Variants in DMXL2 observed in about 807,000 individuals in gnomAD.
DMXL2 encodes the protein Dmx like 2, also known as dmX-like protein 2.
A neutral mutation model predicts 331.1 loss-of-function variants in DMXL2; 103 were observed. That is an observed-to-expected ratio of 0.31 (90% CI 0.27 to 0.37). DMXL2 has a LOEUF of 0.37. Among genes scored for constraint, DMXL2 ranks in the 10% least tolerant of loss-of-function variants. The pLI is 1.00. For missense variants in DMXL2, 3,171 were observed against 3,642.9 expected (o/e 0.87, Z 3.33); for synonymous variants, 1,281 against 1,252.1 (o/e 1.02, Z -0.49).
chr15:51,453,586 CTTGAAGAGGTAAT>C lies in DMXL2; in HGVS notation c.8647_8659del (p.Ile2883ValfsTer2). The C allele has an allele frequency of 6.2e-7, 1 of 1,613,644 alleles. No homozygotes were observed. Among genetic ancestry groups the C allele is most frequent in the Non-Finnish European group, 8.5e-7 (1 of 1,179,808 alleles). ...GGAGTGTCCAGATGTGGCAACTAGA[CTTGAAGAGGTAAT>C]AAATGCAAAGTCACTTGTGGCTTTA... is the stretch of plus-strand genomic sequence containing the variant. On this transcript the variant is annotated frameshift_variant, in exon 41 of 44. Transcript: ENST00000560891. LOFTEE classifies it high-confidence loss of function.
chr15:51,566,234 T>G (rs1395106323), intron 3 of DMXL2, among the ~76,000 whole-genome samples: 44 of 1,036 alleles, frequency 0.042, no homozygotes, highest in African/African-American at 0.048. Flanking sequence ...GTGTGTGGGG[T>G]GTGTGTGTGT....
chr15:51,460,096 CTTA>C, intron 33 of DMXL2: 1 of 939,476 alleles, frequency 1.1e-6, no homozygotes, highest in Non-Finnish European at 1.3e-6. Flanking sequence ...TTATTTCACT[CTTA>C]TAAGGAATAT....
At chr15:51,535,931 A>G in intron 12 of DMXL2, 147 bp from the exon 13 acceptor site, 4 of 1,025,786 alleles carry the variant, frequency 3.9e-6, no homozygotes, top group Non-Finnish European at 5.4e-6. Flanking sequence ...AGTAGATACA[A>G]AATTATTAAC....
Position 51,545,609 on chromosome 15 carries a change from T to C in DMXL2, c.904A>G (p.Lys302Glu), listed in dbSNP as rs774481407. 1 of 1,613,624 alleles carries C rather than the reference T, an allele frequency of 6.2e-7. No individual in the cohort carries two copies. The highest frequency in any genetic ancestry group is 8.5e-7 in the Non-Finnish European group (1 of 1,179,668). The change falls in exon 8 of 44, where the codon AAA becomes GAA. Residue 302 changes from lysine (K) to glutamate (E), a missense_variant. Coordinates refer to ENST00000560891, the MANE Select transcript of DMXL2 (RefSeq NM_001378457.1). Reference protein sequence around the residue: ...ASSLSHAGRHKDRIQHALETI... With the variant: ...ASSLSHAGRHEDRIQHALETI... ...TCAAGAGCATGCTGTATTCTGTCTTTGTGTCTTCCAGCATGAGAAAGGCTG... is the reference window on the plus strand; with the variant it reads ...TCAAGAGCATGCTGTATTCTGTCTTCGTGTCTTCCAGCATGAGAAAGGCTG...
Position 51,591,294 on chromosome 15 carries a change from C to A in DMXL2, c.88-15113G>T, listed in dbSNP as rs185330788. Among the ~76,000 whole-genome samples the A allele has an allele frequency of 5.8e-3, 890 of 152,356 alleles. 12 individuals carry two copies. The highest frequency in any genetic ancestry group is 0.024 in the Admixed American group (365 of 15,308). On this transcript the variant is annotated intron_variant, in intron 1 of 43. Coordinates refer to ENST00000560891, the MANE Select transcript of DMXL2 (RefSeq NM_001378457.1). ...CACACCAGGAGATTATATCCCGCGC[C>A]TGGCTCGGAGGGTCCTACGCCCACA...
At chr15:51,507,933 G>A (rs1001305221) in intron 15 of DMXL2, among the ~76,000 whole-genome samples, 1 of 151,988 alleles carries the variant, frequency 6.6e-6, no homozygotes, top group Non-Finnish European at 1.5e-5. Context: ...TTTCCCTGCT[G>A]AAAATTAGAT....
At chr15:51,577,945 T>C (rs1420019673) in intron 1 of DMXL2, among the ~76,000 whole-genome samples, 1 of 152,194 alleles carries the variant, frequency 6.6e-6, no homozygotes, top group Non-Finnish European at 1.5e-5. Flanking sequence ...AACAGAACAG[T>C]GCACCAAGTC....
chr15:51,585,521 G>A (rs942952290), intron 1 of DMXL2, among the ~76,000 whole-genome samples: 16 of 152,154 alleles, frequency 1.1e-4, no homozygotes, highest in African/African-American at 3.1e-4. Context: ...ACAATGCTTC[G>A]ATGAACATGT....
At position 51,463,116 on chromosome 15, in the gene DMXL2, T is replaced by G. The variant is rs1356260824; in HGVS notation, c.7926+263A>C. 3 of 249,506 alleles carry G rather than the reference T, an allele frequency of 1.2e-5. No individual in the cohort carries two copies. In the East Asian group the frequency reaches 3.5e-4, roughly 29 times the overall value. The allele number at this position is 249,506 out of a possible 1,614,324, so 15.5% of individuals were successfully genotyped here. A position where few individuals can be genotyped will look rare whatever the true frequency, so the allele number is the denominator to read the frequency against. On this transcript the variant is annotated intron_variant, in intron 33 of 43. Coordinates refer to ENST00000560891, the MANE Select transcript of DMXL2 (RefSeq NM_001378457.1). ...AAGCCATCCATCACAATGTTTATTA[T>G]GTGTAAAAACCTAATGACAAATACT... is the stretch of plus-strand genomic sequence containing the variant.
At chr15:51,500,643 C>T (rs948134162) in intron 17 of DMXL2, among the ~76,000 whole-genome samples, 2 of 152,176 alleles carry the variant, frequency 1.3e-5, no homozygotes, top group African/African-American at 4.8e-5. Context: ...CTTAACTGAG[C>T]TTTACAATTT....
chr15:51,519,475 G>A (rs1008842449), intron 13 of DMXL2, among the ~76,000 whole-genome samples: 2 of 151,918 alleles, frequency 1.3e-5, no homozygotes, highest in Non-Finnish European at 2.9e-5. Flanking sequence ...AAATTGAAAA[G>A]TAGGTGCATT....
intron 6 of DMXL2, among the ~76,000 whole-genome samples, chr15:51,548,231 A>T (rs1481835007): frequency 1.3e-5 from 2 of 152,270 alleles, no homozygotes; most frequent in South Asian, 2.1e-4. Flanking sequence ...AATAAATGTT[A>T]TCGCTTATGC....
chr15:51,603,026 G>A (rs2053338367), intron 1 of DMXL2, among the ~76,000 whole-genome samples: 1 of 152,152 alleles, frequency 6.6e-6, no homozygotes, highest in African/African-American at 2.4e-5. Flanking sequence ...GTTTAAAGAA[G>A]TGTGGGCACT....
chr15:51,538,928 G>A (rs1443452985), intron 9 of DMXL2, among the ~76,000 whole-genome samples: 4 of 152,070 alleles, frequency 2.6e-5, no homozygotes, highest in Non-Finnish European at 4.4e-5. Context: ...AAAACATTTC[G>A]ACCATGTGCG....
chr15:51,448,514 A>G lies in DMXL2; in HGVS notation c.*470T>C. The G allele has an allele frequency of 5.1e-6, 1 of 194,914 alleles. No homozygotes were observed. The highest frequency in any genetic ancestry group is 1.2e-4 in the East Asian group (1 of 8,272). The allele number at this position is 194,914 out of a possible 1,614,324, so 12.1% of individuals were successfully genotyped here. On this transcript the variant is annotated 3_prime_UTR_variant, in exon 44 of 44. Transcript: ENST00000560891. ...AACTGGTCACTGCGCACTGCTCCAC[A>G]GCTAAGAAAGTTTTCCAGGTGGTCT...
chr15:51,622,679 C>T lies in DMXL2; in HGVS notation c.-134G>A. 1 of 1,420,642 alleles carries T rather than the reference C, an allele frequency of 7.0e-7. No homozygotes were observed. The highest frequency in any genetic ancestry group is 1.5e-5 in the South Asian group (1 of 67,056). The allele number at this position is 1,420,642 out of a possible 1,614,324, so 88.0% of individuals were successfully genotyped here. ...CCCCGCGGAGGCTCTGGCTTAACTC[C>T]TCGCCCCCCTTTCGCCTTCCCTCCG... On this transcript the variant is annotated 5_prime_UTR_variant, in exon 1 of 44. Transcript: ENST00000560891.
chr15:51,463,043 T>C (rs12438892), intron 33 of DMXL2: 72,188 of 158,578 alleles, frequency 0.46, 16,917 homozygotes, highest in Non-Finnish European at 0.5. Context: ...ATATTTTAAG[T>C]ACATATTTGG....
At chr15:51,577,260 CAT>C (rs1413032652) in intron 1 of DMXL2, among the ~76,000 whole-genome samples, 1 of 152,112 alleles carries the variant, frequency 6.6e-6, no homozygotes, top group Non-Finnish European at 1.5e-5. Flanking sequence ...CCAGGGCTGA[CAT>C]GTGATGACAT....
intron 6 of DMXL2, among the ~76,000 whole-genome samples, chr15:51,562,651 GA>G (rs2050042760): frequency 6.6e-6 from 1 of 151,528 alleles, no homozygotes; most frequent in Non-Finnish European, 1.5e-5. Context: ...TAGGTATATA[GA>G]AAAAAAAGCA....
Sources: allele counts gnomAD v4.1 joint callset (sites outside exome capture counted in the v4.1 genomes callset), GRCh38; gene constraint gnomAD v4.1.1; transcripts MANE v1.5; gene names NCBI Gene and HGNC (gene_info 2026-07-23, HGNC 2026-07-21).